Variants in SLFNL1 observed in about 807,000 individuals in gnomAD.
SLFNL1 encodes the protein schlafen-like protein 1.
SLFNL1 carries 26 observed loss-of-function variants against 32.5 expected under a neutral mutation model. That is an observed-to-expected ratio of 0.80 (90% CI 0.59 to 1.11). SLFNL1 has a LOEUF of 1.11. Ranked by LOEUF, SLFNL1 falls within the 50% of genes least tolerant of loss-of-function variation. SLFNL1 has a pLI of 0.00. For synonymous variants in SLFNL1, 255 were observed against 242.2 expected (o/e 1.05, Z -0.49); for missense variants, 553 against 546.5 (o/e 1.01, Z -0.12).
rs1162829839 is a variant in SLFNL1 at position 41,017,526 on chromosome 1, C to T, written c.957+109G>A. The T allele has an allele frequency of 1.3e-6, 2 of 1,487,628 alleles. No individual in the cohort carries two copies. The highest frequency in any genetic ancestry group is 1.3e-5 in the South Asian group (1 of 74,370). The allele number at this position is 1,487,628 out of a possible 1,614,324, so 92.2% of individuals were successfully genotyped here. Reference sequence around the variant, plus strand: ...CCATCCCCAGCCTCTTCTCCTGTGGCCCCCAGTCCCGTCCCTGCCCCAGCA... The same window carrying T: ...CCATCCCCAGCCTCTTCTCCTGTGGTCCCCAGTCCCGTCCCTGCCCCAGCA... On this transcript the variant is annotated intron_variant, in intron 4 of 5. Transcript: ENST00000302946. This position sits in a 1 kb window ranked among gnomAD's most constrained non-coding sequence, Gnocchi z 4.9.
chr1:41,020,769 G>T lies in SLFNL1; in HGVS notation c.-109C>A. On this transcript the variant is annotated 5_prime_UTR_variant, in exon 3 of 6. Coordinates refer to ENST00000302946, the MANE Select transcript of SLFNL1 (RefSeq NM_144990.4). ...AGGGCTCCCAGAGGACTCAGGGAGT[G>T]TCCCGGCTCCTGGGAGGTACACAGA... 2.0e-6 allele frequency: 2 copies of T among 997,462 alleles called. No individual in the cohort carries two copies. The highest frequency in any genetic ancestry group is 2.5e-5 in the Admixed American group (1 of 40,796). The allele number at this position is 997,462 out of a possible 1,614,324, so 61.8% of individuals were successfully genotyped here.
Position 41,020,748 on chromosome 1 carries a change from C to T in SLFNL1, c.-88G>A. 1 of 1,267,210 alleles carries T rather than the reference C, an allele frequency of 7.9e-7. No individual in the cohort carries two copies. Among genetic ancestry groups the T allele is most frequent in the Non-Finnish European group, 1.1e-6 (1 of 912,162 alleles). The allele number at this position is 1,267,210 out of a possible 1,614,324, so 78.5% of individuals were successfully genotyped here. ...CTGTGTTCTCAGTGTGGCTTAAGGG[C>T]TCCCAGAGGACTCAGGGAGTGTCCC... On this transcript the variant is annotated 5_prime_UTR_variant, in exon 3 of 6. Coordinates refer to ENST00000302946, the MANE Select transcript of SLFNL1 (RefSeq NM_144990.4).
In SLFNL1 at chr1:41,017,317, C is replaced by T. The variant is rs139175621; in HGVS notation, c.1018G>A (p.Asp340Asn). Residue 340 changes from aspartate (D) to asparagine (N), a missense_variant, in exon 5 of 6, where the codon GAC (aspartate) becomes AAC (asparagine). Asp to Asn is a conservative substitution (Grantham distance 23). Coordinates refer to ENST00000302946, the MANE Select transcript of SLFNL1 (RefSeq NM_144990.4). The surrounding 1 kb of genome is among the most constrained non-coding windows in gnomAD (Gnocchi z 4.9). ...AQSQPQLYQT[D>N]QGEVFLRRDG... ...CGCCGCAGAAACACCTCCCCCTGGT[C>T]TGTCTGGTAGAGTTGCGGCTGGCTC... The T allele has an allele frequency of 1.4e-4, 232 of 1,613,952 alleles. No homozygotes were observed. In the African/African-American group the frequency reaches 2.9e-3, roughly 20 times the overall value.
chr1:41,016,118 G>C lies in SLFNL1; in HGVS notation c.1212C>G (p.Cys404Trp). ...LQQHGPVSCTCCVL is the reference protein window; with the variant it reads ...LQQHGPVSCTWCVL ...CTCCCCAGGGCCCTCACAGGACACA[G>C]CAGGTGCAGGACACAGGCCCGTGCT... The change falls in exon 6 of 6, where the codon TGC becomes TGG. Residue 404 changes from cysteine (C) to tryptophan (W), a missense_variant. Physicochemically the swap from Cys to Trp is radical, Grantham distance 215. Transcript: ENST00000302946. The C allele has an allele frequency of 6.2e-7, 1 of 1,613,798 alleles. No homozygotes were observed. The highest frequency in any genetic ancestry group is 8.5e-7 in the Non-Finnish European group (1 of 1,179,852).
chr1:41,017,254 T>TGGCGCTGGCAGACAGCG lies in SLFNL1; in HGVS notation c.1064_1080dup (p.Ile361ArgfsTer26), dbSNP rs778223591. 120 of 1,591,574 alleles carry TGGCGCTGGCAGACAGCG rather than the reference T, an allele frequency of 7.5e-5. No individual in the cohort carries two copies. Among genetic ancestry groups the TGGCGCTGGCAGACAGCG allele is most frequent in the Middle Eastern group, 5.1e-4 (3 of 5,828 alleles). ...CGTACCTGCCTGCACCACTCCTGGA[T>TGGCGCTGGCAGACAGCG]GGCGCTGGCAGACAGCGGGCCCTGG... On this transcript the variant is annotated frameshift_variant, in exon 5 of 6. Coordinates refer to ENST00000302946, the MANE Select transcript of SLFNL1 (RefSeq NM_144990.4). LOFTEE classifies it high-confidence loss of function. The surrounding 1 kb of genome is among the most constrained non-coding windows in gnomAD (Gnocchi z 4.9).
intron 3 of SLFNL1, among the ~76,000 whole-genome samples, chr1:41,019,956 G>C (rs1204629062): frequency 1.3e-5 from 2 of 152,246 alleles, no homozygotes; most frequent in African/African-American, 4.8e-5. Context: ...CCAGAGGCTG[G>C]AATGTAAAAG....
rs1226499321 is a variant in SLFNL1, at chr1:41,018,088, C to G, written c.504G>C (p.Leu168=). The G allele has an allele frequency of 6.4e-7, 1 of 1,555,530 alleles. No homozygotes were observed. The highest frequency in any genetic ancestry group is 2.4e-5 in the East Asian group (1 of 41,864). Residue 168 remains leucine (L), a synonymous_variant, in exon 4 of 6, where the codon CTG becomes CTC. Coordinates refer to ENST00000302946, the MANE Select transcript of SLFNL1 (RefSeq NM_144990.4). ...PGPSPGSGVP[L]PTWPTHTLPD... ...GCAGCGTGTGTGTAGGCCAGGTGGG[C>G]AGCGGGACACCAGAGCCTGGACTGG...
rs768214751 is a variant in SLFNL1, at chr1:41,017,874, T to G, written c.718A>C (p.Lys240Gln). 8 of 1,607,594 alleles carry G rather than the reference T, an allele frequency of 5.0e-6. No individual in the cohort carries two copies. The highest frequency in any genetic ancestry group is 1.3e-5 in the African/African-American group (1 of 74,810). ...CACACGTAGCGCCGCACGTGGTGCT[T>G]GAAGGCCAGGCTGAGGTACTCGCCG... ...GSGEYLSLAFKHHVRRYVCAF... is the reference protein window; with the variant it reads ...GSGEYLSLAFQHHVRRYVCAF... Residue 240 changes from lysine (K) to glutamine (Q), a missense_variant, in exon 4 of 6, where the codon AAG becomes CAG. Physicochemically the swap from Lys to Gln is moderately conservative, Grantham distance 53 (BLOSUM62 1). Coordinates refer to ENST00000302946, the MANE Select transcript of SLFNL1 (RefSeq NM_144990.4). This position sits in a 1 kb window ranked among gnomAD's most constrained non-coding sequence, Gnocchi z 4.9.
chr1:41,016,298 G>T, intron 5 of SLFNL1, 70 bp from the exon 6 acceptor site: 1 of 1,558,050 alleles, frequency 6.4e-7, no homozygotes. Context: ...TCCACCTGGG[G>T]CCAAACTGAG....
rs1643467142 is a variant in SLFNL1 at position 41,017,717 on chromosome 1, A to C, written c.875T>G (p.Phe292Cys). The change falls in exon 4 of 6, where the codon TTC becomes TGC. Residue 292 changes from phenylalanine to cysteine, a missense_variant. Transcript: ENST00000302946. This position sits in a 1 kb window ranked among gnomAD's most constrained non-coding sequence, Gnocchi z 4.9. The part of the protein sequence containing the change: ...RLLVDSILQG[F>C]KPQIFPDAYT... The stretch of plus-strand genomic sequence containing the variant: ...GGCATCGGGAAAGATCTGAGGCTTG[A>C]AGCCCTGCAGGATGGAGTCCACCAG... 6.3e-7 allele frequency: 1 copy of C among 1,598,648 alleles called. No homozygotes were observed. Among genetic ancestry groups the C allele is most frequent in the African/African-American group, 1.3e-5 (1 of 74,588 alleles).
intron 1 of SLFNL1, 58 bp from the exon 2 acceptor site, chr1:41,020,928 C>CGG: frequency 4.4e-6 from 2 of 451,414 alleles, no homozygotes; most frequent in Non-Finnish European, 8.0e-6. Context: ...TGTGGGAAGA[C>CGG]GGGATCTGCC....
At position 41,017,770 on chromosome 1, in the gene SLFNL1, G is replaced by GCT; in HGVS notation, c.820_821dup (p.Ser274ArgfsTer36). ...GGCGTGCGCGGTCCTCGTCACGGTG[G>GCT]CTGCAGCGGATGCCCTGCACCAGGC... On this transcript the variant is annotated frameshift_variant, in exon 4 of 6. Coordinates refer to ENST00000302946, the MANE Select transcript of SLFNL1 (RefSeq NM_144990.4). LOFTEE classifies it high-confidence loss of function. This position sits in a 1 kb window ranked among gnomAD's most constrained non-coding sequence, Gnocchi z 4.9. 1.2e-6 allele frequency: 2 copies of GCT among 1,607,412 alleles called. No homozygotes were observed. The highest frequency in any genetic ancestry group is 1.7e-6 in the Non-Finnish European group (2 of 1,175,658).
rs1643285610 is a variant in SLFNL1, at chr1:41,015,863, T to G, written c.*243A>C. 2.2e-6 allele frequency: 1 copy of G among 450,412 alleles called. No individual in the cohort carries two copies. The highest frequency in any genetic ancestry group is 3.9e-6 in the Non-Finnish European group (1 of 255,192). The allele number at this position is 450,412 out of a possible 1,614,324, so 27.9% of individuals were successfully genotyped here. On this transcript the variant is annotated 3_prime_UTR_variant, in exon 6 of 6. Coordinates refer to ENST00000302946, the MANE Select transcript of SLFNL1 (RefSeq NM_144990.4). Reference sequence around the variant, plus strand: ...CCCTAGGGGAGCTCTGGGCAGGGTTTTACACATTCTTTCTGAAAGTAAGGT... The same window carrying G: ...CCCTAGGGGAGCTCTGGGCAGGGTTGTACACATTCTTTCTGAAAGTAAGGT...
Position 41,017,647 on chromosome 1 carries a change from G to T in SLFNL1, c.945C>A (p.Ser315Arg). 1.3e-6 allele frequency: 2 copies of T among 1,527,648 alleles called. No individual in the cohort carries two copies. Among genetic ancestry groups the T allele is most frequent in the Non-Finnish European group, 1.8e-6 (2 of 1,134,952 alleles). 94.6% of individuals were successfully genotyped at this position (1,527,648 alleles called of 1,614,324 possible). Residue 315 changes from serine (S) to arginine (R), a missense_variant, in exon 4 of 6, where the codon AGC becomes AGA. Transcript: ENST00000302946. The surrounding 1 kb of genome is among the most constrained non-coding windows in gnomAD (Gnocchi z 4.9). ...FIPVISTSET[S>R]VPLKVIRLTV... Reference sequence around the variant, plus strand: ...CCTGCAGGCTCACCTTGAGGGGGACGCTGGTCTCCGAGGTACTGATCACAG... The same window carrying T: ...CCTGCAGGCTCACCTTGAGGGGGACTCTGGTCTCCGAGGTACTGATCACAG...
intron 3 of SLFNL1, among the ~76,000 whole-genome samples, chr1:41,019,049 C>T (rs1173629429): frequency 8.6e-5 from 13 of 151,828 alleles, no homozygotes; most frequent in Admixed American, 5.2e-4. Context: ...ACCATGGTCT[C>T]GATCTCCTGA....
rs549378231 is a variant in SLFNL1 at position 41,015,629 on chromosome 1, A to C, written c.*477T>G. 4 of 152,754 alleles carry C rather than the reference A, an allele frequency of 2.6e-5. No homozygotes were observed. Among genetic ancestry groups the C allele is most frequent in the African/African-American group, 7.2e-5 (3 of 41,596 alleles). The allele number at this position is 152,754 out of a possible 1,614,324, so 9.5% of individuals were successfully genotyped here. A position where few individuals can be genotyped will look rare whatever the true frequency, so the allele number is the denominator to read the frequency against. On this transcript the variant is annotated 3_prime_UTR_variant, in exon 6 of 6. Transcript: ENST00000302946. The stretch of plus-strand genomic sequence containing the variant: ...CATGTAATTTATTAATGGAGCTTTG[A>C]CAGTCACAAGTTCCAGCAAGTCAGG...
intron 3 of SLFNL1, among the ~76,000 whole-genome samples, chr1:41,019,108 G>A (rs375766766): frequency 3.3e-5 from 5 of 151,988 alleles, no homozygotes; most frequent in Admixed American, 1.3e-4. Flanking sequence ...GATTACAAGC[G>A]TGAGCCACCG....
Position 41,020,394 on chromosome 1 carries a change from C to T in SLFNL1, c.267G>A (p.Pro89=), listed in dbSNP as rs148645268. Residue 89 remains proline, a synonymous_variant, in exon 3 of 6, where the codon CCG becomes CCA. Transcript: ENST00000302946. The stretch of plus-strand genomic sequence containing the variant: ...CCTGCACCAGTGCATAGGCCTTCCG[C>T]GGCCGCCTCACCACTTCAATGTGCT... ...AREHIEVVRR[P]RKAYALVQVT... 62 of 1,612,996 alleles carry T rather than the reference C, an allele frequency of 3.8e-5. No homozygotes were observed. In the African/African-American group the frequency reaches 4.4e-4, roughly 11 times the overall value.
At position 41,018,039 on chromosome 1, in the gene SLFNL1, G is replaced by A; in HGVS notation, c.553C>T (p.Leu185=). The change falls in exon 4 of 6, where the codon CTG becomes TTG. Residue 185 remains leucine (L), a synonymous_variant. Transcript: ENST00000302946. ...CTGGGCCGGCCCTGGCAGCTCTGCAGCTGCTGGGCCTGGGGCCTATCAGGC... is the reference window on the plus strand; with the variant it reads ...CTGGGCCGGCCCTGGCAGCTCTGCAACTGCTGGGCCTGGGGCCTATCAGGC... ...TLPDRPQAQQ[L]QSCQGRPSGV... is the part of the protein sequence containing the mutation. The A allele has an allele frequency of 6.3e-7, 1 of 1,596,084 alleles. No homozygotes were observed. Among genetic ancestry groups the A allele is most frequent in the Non-Finnish European group, 8.5e-7 (1 of 1,172,184 alleles).
Sources: allele counts gnomAD v4.1 joint callset (sites outside exome capture counted in the v4.1 genomes callset), GRCh38; gene constraint gnomAD v4.1.1; non-coding constraint Gnocchi (gnomAD v3.1); transcripts MANE v1.5; gene names NCBI Gene and HGNC (gene_info 2026-07-23, HGNC 2026-07-21).